The following EDC3 variants were observed in gnomAD, a reference collection of about 807,000 sequenced individuals.
The protein encoded by EDC3 is enhancer of mRNA decapping 3, also known as enhancer of mRNA-decapping protein 3.
A neutral mutation model predicts 41.8 loss-of-function variants in EDC3; 20 were observed. The ratio of observed to expected loss-of-function variants is 0.48; its 90% CI spans 0.34 to 0.70. EDC3 has a LOEUF of 0.70. Among genes scored for constraint, EDC3 ranks in the 30% least tolerant of loss-of-function variants. The pLI, the probability that EDC3 is intolerant of heterozygous loss-of-function variation, is 0.01. For missense variants in EDC3, 444 were observed against 636.8 expected, an observed-to-expected ratio of 0.70 and a Z score of 3.26; for synonymous variants, 206 against 243.2, an observed-to-expected ratio of 0.85 and a Z score of 1.42.
chr15:74,635,938 G>A (rs1239798038), intron 5 of EDC3: 1 of 352,766 alleles, frequency 2.8e-6, no homozygotes, highest in Non-Finnish European at 5.3e-6. Flanking sequence ...TTCCTCTGCA[G>A]CCTTGTCTGC....
intron 1 of EDC3, chr15:74,695,577 G>A (rs2063055689): frequency 6.6e-6 from 1 of 152,238 alleles, no homozygotes; most frequent in African/African-American, 2.4e-5. Flanking sequence ...CAGAGTGAGT[G>A]AGCCAAAGAA....
chr15:74,634,679 G>A (rs2062250200), intron 6 of EDC3, among the ~76,000 whole-genome samples: 2 of 152,174 alleles, frequency 1.3e-5, no homozygotes, highest in Admixed American at 1.3e-4. Context: ...CATCCAGTCT[G>A]TGGATTCTAT....
chr15:74,635,665 T>G, intron 5 of EDC3, 39 bp from the exon 6 acceptor site: 1 of 1,581,244 alleles, frequency 6.3e-7, no homozygotes, highest in Non-Finnish European at 8.7e-7. Flanking sequence ...AGCTACATAC[T>G]TGCCAATCCC....
chr15:74,634,869 T>A lies in EDC3; in HGVS notation c.1192+540A>T, dbSNP rs114036577. 2.4e-3 allele frequency among the ~76,000 whole-genome samples: 373 copies of A among 152,262 alleles called. 2 individuals are homozygous for A. The highest frequency in any genetic ancestry group is 8.6e-3 in the African/African-American group (359 of 41,536). On this transcript the variant is annotated intron_variant, in intron 6 of 6. Coordinates refer to ENST00000315127, the MANE Select transcript of EDC3 (RefSeq NM_025083.5). ...TGATCATCTGGAACCTAAATTTGATTATATCATTTCTCTACTTATTCCTTC... is the reference window on the plus strand; with the variant it reads ...TGATCATCTGGAACCTAAATTTGATAATATCATTTCTCTACTTATTCCTTC...
intron 6 of EDC3, 70 bp downstream of exon 6, chr15:74,635,339 T>C: frequency 2.1e-6 from 3 of 1,460,586 alleles, no homozygotes; most frequent in Non-Finnish European, 9.6e-7. Flanking sequence ...CGCCACTGGG[T>C]GGCATGACGA....
intron 3 of EDC3, among the ~76,000 whole-genome samples, chr15:74,660,885 C>T (rs921769684): frequency 8.5e-5 from 13 of 152,060 alleles, no homozygotes; most frequent in African/African-American, 3.1e-4. Context: ...CAATTGCTGC[C>T]CATATTTGAG....
At chr15:74,660,009 C>T (rs1198065192) in intron 3 of EDC3, among the ~76,000 whole-genome samples, 1 of 151,656 alleles carries the variant, frequency 6.6e-6, no homozygotes, top group African/African-American at 2.4e-5. Context: ...CACGCCACTG[C>T]ACTCCAGCCT....
At chr15:74,668,398 A>G (rs2141642559) in intron 3 of EDC3, among the ~76,000 whole-genome samples, 1 of 152,352 alleles carries the variant, frequency 6.6e-6, no homozygotes, top group East Asian at 1.9e-4. Flanking sequence ...ATAACGGGGA[A>G]AAATGTGTAG....
chr15:74,656,406 A>AACACACACACACACACAC (rs143925363), intron 3 of EDC3, among the ~76,000 whole-genome samples: 4 of 145,848 alleles, frequency 2.7e-5, no homozygotes, highest in African/African-American at 7.6e-5. Context: ...TCTGTCTCAA[A>AACACACACACACACACAC]ACACACACAC....
chr15:74,687,271 T>C (rs974769148), intron 1 of EDC3: 2 of 152,018 alleles, frequency 1.3e-5, no homozygotes, highest in African/African-American at 4.8e-5. Context: ...AAACTCTAGA[T>C]AGTTCTCTAG....
At chr15:74,633,205 T>A (rs2062233941) in intron 6 of EDC3, among the ~76,000 whole-genome samples, 1 of 151,996 alleles carries the variant, frequency 6.6e-6, no homozygotes. Flanking sequence ...TGAACCATTG[T>A]CGTCCTGAGT....
At position 74,630,869 on chromosome 15, in the gene EDC3, G is replaced by A. The variant is rs1270175895; in HGVS notation, c.*1743C>T. On this transcript the variant is annotated 3_prime_UTR_variant, in exon 7 of 7. Transcript: ENST00000315127. ...ATCTTGCTGGAGTGGACAGTCTTCTGGGCCAGGGTTGTTCTAGCTTGTTTC... is the reference window on the plus strand; with the variant it reads ...ATCTTGCTGGAGTGGACAGTCTTCTAGGCCAGGGTTGTTCTAGCTTGTTTC... 6.6e-6 allele frequency: 1 copy of A among 152,230 alleles called. No homozygotes were observed. The highest frequency in any genetic ancestry group is 1.5e-5 in the Non-Finnish European group (1 of 68,050). 9.4% of individuals were successfully genotyped at this position (152,230 alleles called of 1,614,324 possible).
chr15:74,669,088 T>C (rs1437591796), intron 3 of EDC3, among the ~76,000 whole-genome samples: 1 of 151,738 alleles, frequency 6.6e-6, no homozygotes, highest in African/African-American at 2.4e-5. Context: ...ATACAAAAAT[T>C]AGCCGGGCGC....
At chr15:74,660,187 A>AAT (rs1362597989) in intron 3 of EDC3, among the ~76,000 whole-genome samples, 2 of 151,574 alleles carry the variant, frequency 1.3e-5, no homozygotes, top group African/African-American at 2.4e-5. Context: ...CGGCCTGAGC[A>AAT]ATATATATAT....
rs1401037056 is a variant in EDC3, at chr15:74,640,609, C to T, written c.831G>A (p.Leu277=). 2 of 1,614,204 alleles carry T rather than the reference C, an allele frequency of 1.2e-6. No homozygotes were observed. Among genetic ancestry groups the T allele is most frequent in the East Asian group, 2.2e-5 (1 of 44,880 alleles). ...GCTCATAGGAAATACTTGGGACAAC[C>T]AGGCCAGAGTCTGCAGTTCAAAAGG... ...VSKEFCTDSG[L]VVPSISYELH... Residue 277 remains leucine, a synonymous_variant, in exon 5 of 7, where the codon CTG becomes CTA. Transcript: ENST00000315127.
chr15:74,675,797 C>A (rs1053258606), intron 1 of EDC3, among the ~76,000 whole-genome samples: 14 of 150,676 alleles, frequency 9.3e-5, no homozygotes, highest in African/African-American at 3.4e-4. Context: ...AGGAGAATGG[C>A]GTCAACCCAG....
Position 74,631,618 on chromosome 15 carries a change from A to T in EDC3, c.*994T>A, listed in dbSNP as rs565008275. 32 of 152,868 alleles carry T rather than the reference A, an allele frequency of 2.1e-4. No homozygotes were observed. Among genetic ancestry groups the T allele is most frequent in the African/African-American group, 7.7e-4 (32 of 41,586 alleles). The allele number at this position is 152,868 out of a possible 1,614,324, so 9.5% of individuals were successfully genotyped here. On this transcript the variant is annotated 3_prime_UTR_variant, in exon 7 of 7. Transcript: ENST00000315127. ...CGGGAGCCCATCTGCCTGCTCTGGGATGACAGCTGCAAAGGACCGTTTCAG... is the reference window on the plus strand; with the variant it reads ...CGGGAGCCCATCTGCCTGCTCTGGGTTGACAGCTGCAAAGGACCGTTTCAG...
At chr15:74,653,102 C>A (rs2062500937) in intron 4 of EDC3, among the ~76,000 whole-genome samples, 1 of 151,746 alleles carries the variant, frequency 6.6e-6, no homozygotes, top group African/African-American at 2.4e-5. Context: ...ATCGCTTGAA[C>A]CTGGGAGGTA....
chr15:74,633,084 T>G, intron 6 of EDC3, 138 bp from the exon 7 acceptor site: 2 of 952,744 alleles, frequency 2.1e-6, no homozygotes, highest in Non-Finnish European at 3.1e-6. Flanking sequence ...CTGGCCTTCT[T>G]AAAGCTGGGC....
Sources: allele counts gnomAD v4.1 joint callset (sites outside exome capture counted in the v4.1 genomes callset), GRCh38; gene constraint gnomAD v4.1.1; transcripts MANE v1.5; gene names NCBI Gene and HGNC (gene_info 2026-07-23, HGNC 2026-07-21).